ST3GAL4: variants seen among roughly 807,000 people sequenced by gnomAD.
ST3GAL4 encodes ST3 beta-galactoside alpha-2,3-sialyltransferase 4.
ST3GAL4 carries 24 observed loss-of-function variants against 42.6 expected under a neutral mutation model. The ratio of observed to expected loss-of-function variants is 0.56; its 90% CI spans 0.41 to 0.79. The LOEUF (loss-of-function observed/expected upper bound fraction) is 0.79. Ranked by LOEUF, ST3GAL4 falls within the 30% of genes least tolerant of loss-of-function variation. The pLI, the probability that ST3GAL4 is intolerant of heterozygous loss-of-function variation, is 0.00. For missense variants in ST3GAL4, 311 were observed against 430.8 expected (o/e 0.72, Z 2.46); for synonymous variants, 135 against 163.2 (o/e 0.83, Z 1.32).
At position 126,406,064 on chromosome 11, in the gene ST3GAL4, C is replaced by G; in HGVS notation, c.-60-32C>G. The stretch of plus-strand genomic sequence containing the variant: ...TGTCTAGGCAGGAGAGTTTGTGAAG[C>G]TGACCGGACACCTGTGGCTCTTATT... On this transcript the variant is annotated intron_variant, in intron 1 of 10. Transcript: ENST00000444328. This position sits in a 1 kb window ranked among gnomAD's most constrained non-coding sequence, Gnocchi z 5.4. 6.4e-7 allele frequency: 1 copy of G among 1,551,128 alleles called. No homozygotes were observed. Among genetic ancestry groups the G allele is most frequent in the South Asian group, 1.2e-5 (1 of 84,056 alleles).
At position 126,355,962 on chromosome 11, in the gene ST3GAL4, A is replaced by T. The variant is rs957815977; in HGVS notation, c.-61+120A>T. On this transcript the variant is annotated intron_variant, in intron 1 of 10. Transcript: ENST00000444328. The surrounding 1 kb of genome is among the most constrained non-coding windows in gnomAD (Gnocchi z 7.1). Reference sequence around the variant, plus strand: ...CCTCCCGGAGGGGGTCGGGCCCTGCACGTGGGCGCAGCGCGGGTCGGGGTG... The same window carrying T: ...CCTCCCGGAGGGGGTCGGGCCCTGCTCGTGGGCGCAGCGCGGGTCGGGGTG... 1.3e-5 allele frequency: 2 copies of T among 151,478 alleles called. No homozygotes were observed. The highest frequency in any genetic ancestry group is 4.8e-5 in the African/African-American group (2 of 41,368). 9.4% of individuals were successfully genotyped at this position (151,478 alleles called of 1,614,324 possible). A position where few individuals can be genotyped will look rare whatever the true frequency, so the allele number is the denominator to read the frequency against.
In ST3GAL4 at chr11:126,394,437, TTTTC is replaced by T. The variant is rs1434825206; in HGVS notation, c.-60-11655_-60-11652del. On this transcript the variant is annotated intron_variant, in intron 1 of 10. Coordinates refer to ENST00000444328, the MANE Select transcript of ST3GAL4 (RefSeq NM_001254757.2). The stretch of plus-strand genomic sequence containing the variant: ...CACCAGGATATGATTTTCTTTTTTC[TTTTC>T]TTTTTGTTTGAGACAGGATCTGACT... 3.3e-5 allele frequency among the ~76,000 whole-genome samples: 5 copies of T among 152,344 alleles called. No individual in the cohort carries two copies. In the East Asian group the frequency reaches 9.6e-4, roughly 29 times the overall value.
chr11:126,387,002 T>G (rs1953250551), intron 1 of ST3GAL4, among the ~76,000 whole-genome samples: 1 of 152,004 alleles, frequency 6.6e-6, no homozygotes, highest in African/African-American at 2.4e-5. Flanking sequence ...GGCCAGGCCG[T>G]GATTGCCCAG....
At chr11:126,405,846 G>A (rs1343169686) in intron 1 of ST3GAL4, 9 of 527,516 alleles carry the variant, frequency 1.7e-5, no homozygotes, top group Admixed American at 6.5e-5. Flanking sequence ...GCTTGGGACC[G>A]AGTCCCGAGT....
rs1954477459 is a variant in ST3GAL4 at position 126,410,499 on chromosome 11, T to G, written c.771+1088T>G. 6.6e-6 allele frequency among the ~76,000 whole-genome samples: 1 copy of G among 152,206 alleles called. No individual in the cohort carries two copies. The highest frequency in any genetic ancestry group is 6.5e-5 in the Admixed American group (1 of 15,286). ...TTTTCTTGCCTGTGTGGTGGGATAA[T>G]ATCCATAATGACCTTTTAAGGCTGT... On this transcript the variant is annotated intron_variant, in intron 9 of 10. Coordinates refer to ENST00000444328, the MANE Select transcript of ST3GAL4 (RefSeq NM_001254757.2). The surrounding 1 kb of genome is among the most constrained non-coding windows in gnomAD (Gnocchi z 5.3).
In ST3GAL4 at chr11:126,393,936, A is replaced by T. The variant is rs1953618926; in HGVS notation, c.-60-12160A>T. On this transcript the variant is annotated intron_variant, in intron 1 of 10. Coordinates refer to ENST00000444328, the MANE Select transcript of ST3GAL4 (RefSeq NM_001254757.2). This position sits in a 1 kb window ranked among gnomAD's most constrained non-coding sequence, Gnocchi z 5.9. ...CATAAAATAATGAAGGTGATATTTT[A>T]TTCTTTTTTTGGGGTACTAAATCTT... Among the ~76,000 whole-genome samples, 1 of 152,246 alleles carries T rather than the reference A, an allele frequency of 6.6e-6. No homozygotes were observed. The highest frequency in any genetic ancestry group is 2.4e-5 in the African/African-American group (1 of 41,470).
At position 126,396,968 on chromosome 11, in the gene ST3GAL4, A is replaced by G. The variant is rs1047860757; in HGVS notation, c.-60-9128A>G. Among the ~76,000 whole-genome samples the G allele has an allele frequency of 2.6e-5, 4 of 152,160 alleles. No individual in the cohort carries two copies. Among genetic ancestry groups the G allele is most frequent in the Admixed American group, 2.0e-4 (3 of 15,288 alleles). ...CTGGAAACACTTTGTCACACCTGAGAAGAGGGATTTCCTACTGGTGTCTAG... is the reference window on the plus strand; with the variant it reads ...CTGGAAACACTTTGTCACACCTGAGGAGAGGGATTTCCTACTGGTGTCTAG... On this transcript the variant is annotated intron_variant, in intron 1 of 10. Coordinates refer to ENST00000444328, the MANE Select transcript of ST3GAL4 (RefSeq NM_001254757.2). The surrounding 1 kb of genome is among the most constrained non-coding windows in gnomAD (Gnocchi z 5.8).
chr11:126,406,540 A>G lies in ST3GAL4; in HGVS notation c.84A>G (p.Glu28=), dbSNP rs756724395. ...TGGTGTGGTATTCCATCTCCCGGGA[A>G]GACAGGTACATCGAGCTGTGAGTTC... The part of the protein sequence containing the change: ...VVMVWYSISR[E]DRYIELFYFP... The change falls in exon 3 of 11, where the codon GAA becomes GAG. Residue 28 remains glutamate, a synonymous_variant. Coordinates refer to ENST00000444328, the MANE Select transcript of ST3GAL4 (RefSeq NM_001254757.2). The surrounding 1 kb of genome is among the most constrained non-coding windows in gnomAD (Gnocchi z 5.4). The G allele has an allele frequency of 6.2e-6, 10 of 1,614,176 alleles. No individual in the cohort carries two copies. Among genetic ancestry groups the G allele is most frequent in the Non-Finnish European group, 7.6e-6 (9 of 1,180,024 alleles).
chr11:126,386,633 A>C lies in ST3GAL4; in HGVS notation c.-60-19463A>C, dbSNP rs1310113991. Among the ~76,000 whole-genome samples the C allele has an allele frequency of 2.0e-5, 3 of 152,080 alleles. No individual in the cohort carries two copies. In the East Asian group the frequency reaches 5.8e-4, roughly 29 times the overall value. ...GTACAGCTGGACAAAAGGTGGCTGG[A>C]GCCAGCTCTGCAGAAGCCACACCTG... On this transcript the variant is annotated intron_variant, in intron 1 of 10. Coordinates refer to ENST00000444328, the MANE Select transcript of ST3GAL4 (RefSeq NM_001254757.2). This position sits in a 1 kb window ranked among gnomAD's most constrained non-coding sequence, Gnocchi z 4.7.
rs1382186730 is a variant in ST3GAL4 at position 126,363,208 on chromosome 11, CCTGTTTGAG to C, written c.-61+7368_-61+7376del. ...CTCCTGCCCCCATCTCCTTCCTGTCCCTGTTTGAGCCGTGCTCTTCTTCTTCAATCCCTT... is the reference window on the plus strand; with the variant it reads ...CTCCTGCCCCCATCTCCTTCCTGTCCCCGTGCTCTTCTTCTTCAATCCCTT... On this transcript the variant is annotated intron_variant, in intron 1 of 10. Coordinates refer to ENST00000444328, the MANE Select transcript of ST3GAL4 (RefSeq NM_001254757.2). The surrounding 1 kb of genome is among the most constrained non-coding windows in gnomAD (Gnocchi z 4.6). Among the ~76,000 whole-genome samples, 2 of 152,208 alleles carry C rather than the reference CCTGTTTGAG, an allele frequency of 1.3e-5. No homozygotes were observed. Among genetic ancestry groups the C allele is most frequent in the African/African-American group, 4.8e-5 (2 of 41,456 alleles).
chr11:126,367,888 C>T (rs973401197), intron 1 of ST3GAL4, among the ~76,000 whole-genome samples: 2 of 152,144 alleles, frequency 1.3e-5, no homozygotes, highest in Non-Finnish European at 2.9e-5. Context: ...TGGCTCACAC[C>T]AGTAATCCCA....
In ST3GAL4 at chr11:126,409,235, T is replaced by G; in HGVS notation, c.628-33T>G. ...ATTTGAGAAACAGGGCTTCACCCGC[T>G]TCTGTCTCTCTCTTCTGACCCCATC... On this transcript the variant is annotated intron_variant, in intron 8 of 10. Coordinates refer to ENST00000444328, the MANE Select transcript of ST3GAL4 (RefSeq NM_001254757.2). The surrounding 1 kb of genome is among the most constrained non-coding windows in gnomAD (Gnocchi z 4.9). The G allele has an allele frequency of 6.2e-7, 1 of 1,608,064 alleles. No individual in the cohort carries two copies. The highest frequency in any genetic ancestry group is 1.1e-5 in the South Asian group (1 of 90,946).
chr11:126,364,084 G>A (rs903227783), intron 1 of ST3GAL4, among the ~76,000 whole-genome samples: 7 of 152,220 alleles, frequency 4.6e-5, no homozygotes, highest in African/African-American at 7.2e-5. Context: ...CCAAAATGGC[G>A]GGGTGCAGGG....
chr11:126,394,224 A>G (rs976519809), intron 1 of ST3GAL4, among the ~76,000 whole-genome samples: 2 of 141,956 alleles, frequency 1.4e-5, no homozygotes, highest in Admixed American at 6.8e-5. Flanking sequence ...GGGTGGGTGC[A>G]TTGCTTCTCC....
chr11:126,358,515 T>G (rs1952148480), intron 1 of ST3GAL4: 1 of 453,578 alleles, frequency 2.2e-6, no homozygotes. Context: ...GAGGGAGGTG[T>G]GTGAATGATG....
At chr11:126,413,277 T>TG in intron 9 of ST3GAL4, 2 of 463,078 alleles carry the variant, frequency 4.3e-6, no homozygotes, top group Non-Finnish European at 7.6e-6. Flanking sequence ...CCAGCACATG[T>TG]GGCGATTTAA....
rs1952169897 is a variant in ST3GAL4 at position 126,359,298 on chromosome 11, A to T, written c.-61+3456A>T. On this transcript the variant is annotated intron_variant, in intron 1 of 10. Coordinates refer to ENST00000444328, the MANE Select transcript of ST3GAL4 (RefSeq NM_001254757.2). This position sits in a 1 kb window ranked among gnomAD's most constrained non-coding sequence, Gnocchi z 4.8. ...ATTAAAAGCCTGGCCCAATAAACTT[A>T]AAAAAAAAAAAAAGATGTGCTAGAC... Among the ~76,000 whole-genome samples the T allele has an allele frequency of 7.1e-6, 1 of 140,666 alleles. No individual in the cohort carries two copies. The highest frequency in any genetic ancestry group is 2.6e-5 in the African/African-American group (1 of 38,184). The allele number at this position is 140,666 out of a possible 152,430, so 92.3% of individuals were successfully genotyped here.
chr11:126,405,755 G>A (rs1954200327), intron 1 of ST3GAL4: 2 of 292,498 alleles, frequency 6.8e-6, no homozygotes, highest in African/African-American at 4.4e-5. Flanking sequence ...TCTGCCTCCT[G>A]GAGCTGGCCC....
At chr11:126,388,758 TTTCAGTGTC>T in intron 1 of ST3GAL4, among the ~76,000 whole-genome samples, 1 of 15,336 alleles carries the variant, frequency 6.5e-5, no homozygotes, top group African/African-American at 2.8e-4. Context: ...TACTTTAGTT[TTTCAGTGTC>T]TTTTTTTTTT....
Sources: allele counts gnomAD v4.1 joint callset (sites outside exome capture counted in the v4.1 genomes callset), GRCh38; gene constraint gnomAD v4.1.1; non-coding constraint Gnocchi (gnomAD v3.1); transcripts MANE v1.5; gene names NCBI Gene and HGNC (gene_info 2026-07-23, HGNC 2026-07-21).